ADAM32: variants seen among roughly 807,000 people sequenced by gnomAD.
ADAM32 encodes disintegrin and metalloproteinase domain-containing protein 32.
A neutral mutation model predicts 114.9 loss-of-function variants in ADAM32; 89 were observed. That is an observed-to-expected ratio of 0.77 (90% CI 0.65 to 0.92). ADAM32 has a LOEUF of 0.92. Among genes scored for constraint, ADAM32 ranks in the 40% least tolerant of loss-of-function variants. The pLI, the probability that ADAM32 is intolerant of heterozygous loss-of-function variation, is 0.00. For missense variants in ADAM32, 870 were observed against 932.8 expected (o/e 0.93, Z 0.88); for synonymous variants, 285 against 307.5 (o/e 0.93, Z 0.77).
At chr8:39,205,537 AG>A (rs1337530685) in intron 11 of ADAM32, among the ~76,000 whole-genome samples, 1 of 152,238 alleles carries the variant, frequency 6.6e-6, no homozygotes, top group Non-Finnish European at 1.5e-5. Flanking sequence ...TCGCTTGGTT[AG>A]GAAAGGGAAT....
chr8:39,240,085 G>A (rs1159804017), intron 16 of ADAM32, among the ~76,000 whole-genome samples: 1 of 152,218 alleles, frequency 6.6e-6, no homozygotes, highest in African/African-American at 2.4e-5. Context: ...GACTTAACAG[G>A]TATTTACAGA....
At chr8:39,138,120 G>A (rs988799461) in intron 3 of ADAM32, among the ~76,000 whole-genome samples, 6 of 152,180 alleles carry the variant, frequency 3.9e-5, no homozygotes, top group African/African-American at 1.4e-4. Flanking sequence ...ATGAGAAGCA[G>A]AACTATGACT....
intron 23 of ADAM32, among the ~76,000 whole-genome samples, chr8:39,282,498 G>A (rs546122193): frequency 6.6e-6 from 1 of 152,222 alleles, no homozygotes; most frequent in South Asian, 2.1e-4. Flanking sequence ...AATATACACT[G>A]GATTTGGGGA....
Position 39,228,598 on chromosome 8 carries a change from T to C in ADAM32, c.1526-3429T>C, listed in dbSNP as rs1239514701. ...GAAAGAAATTCAGAGCTCAAAGATA[T>C]GGTCTTTGAAATAACCTAATCCAAC... is the stretch of plus-strand genomic sequence containing the variant. On this transcript the variant is annotated intron_variant, in intron 14 of 24. Transcript: ENST00000379907. 5.9e-5 allele frequency among the ~76,000 whole-genome samples: 9 copies of C among 152,248 alleles called. No homozygotes were observed. In the East Asian group the frequency reaches 1.5e-3, roughly 26 times the overall value.
At chr8:39,242,549 A>G (rs1388089046) in intron 16 of ADAM32, among the ~76,000 whole-genome samples, 1 of 152,140 alleles carries the variant, frequency 6.6e-6, no homozygotes, top group Non-Finnish European at 1.5e-5. Flanking sequence ...TGTGCAGTGA[A>G]TCTCCCTTTT....
chr8:39,140,783 T>C (rs1803104315), intron 3 of ADAM32, among the ~76,000 whole-genome samples: 1 of 152,216 alleles, frequency 6.6e-6, no homozygotes, highest in African/African-American at 2.4e-5. Context: ...TGTCTGGTCC[T>C]GGACTTTTTT....
rs1393044548 is a variant in ADAM32 at position 39,232,101 on chromosome 8, G to A, written c.1600G>A (p.Asp534Asn). Reference protein sequence around the residue: ...QSDRFGNCGRDRNNKYVFCGW... With the variant: ...QSDRFGNCGRNRNNKYVFCGW... ...AGACAGATTTGGGAACTGTGGTAGGGATAGAAATAACAAATATGTGTTCTG... is the reference window on the plus strand; with the variant it reads ...AGACAGATTTGGGAACTGTGGTAGGAATAGAAATAACAAATATGTGTTCTG... The change falls in exon 15 of 25, where the codon GAT (aspartate) becomes AAT (asparagine). Residue 534 changes from aspartate to asparagine, a missense_variant. Coordinates refer to ENST00000379907, the MANE Select transcript of ADAM32 (RefSeq NM_145004.7). 6.2e-7 allele frequency: 1 copy of A among 1,610,630 alleles called. No homozygotes were observed. Among genetic ancestry groups the A allele is most frequent in the African/African-American group, 1.3e-5 (1 of 74,830 alleles).
At chr8:39,123,704 C>CTTT (rs34747712) in intron 2 of ADAM32, among the ~76,000 whole-genome samples, 70 of 132,170 alleles carry the variant, frequency 5.3e-4, no homozygotes, top group African/African-American at 1.0e-3. Flanking sequence ...ATTTTCTTTC[C>CTTT]TTTTTTTTTT....
At chr8:39,280,540 G>T (rs1309978614) in intron 22 of ADAM32, among the ~76,000 whole-genome samples, 1 of 152,112 alleles carries the variant, frequency 6.6e-6, no homozygotes, top group Non-Finnish European at 1.5e-5. Flanking sequence ...CATTAACTTC[G>T]AAGTAATTTG....
At position 39,275,818 on chromosome 8, in the gene ADAM32, T is replaced by C; in HGVS notation, c.2241-10T>C. ...TAACGTGGAAGCATTACTTTTTCGC[T>C]TTCTTTTAGAACCAGATCAGAAAGC... is the stretch of plus-strand genomic sequence containing the variant. On this transcript the variant is annotated splice_polypyrimidine_tract_variant and intron_variant, in intron 21 of 24. Coordinates refer to ENST00000379907, the MANE Select transcript of ADAM32 (RefSeq NM_145004.7). The C allele has an allele frequency of 6.4e-7, 1 of 1,553,352 alleles. No individual in the cohort carries two copies. Among genetic ancestry groups the C allele is most frequent in the Non-Finnish European group, 8.7e-7 (1 of 1,147,946 alleles).
At chr8:39,184,143 T>A (rs1211331046) in intron 10 of ADAM32, among the ~76,000 whole-genome samples, 1 of 152,268 alleles carries the variant, frequency 6.6e-6, no homozygotes, top group Non-Finnish European at 1.5e-5. Flanking sequence ...ATCTATCTTT[T>A]GCTTTTGCAC....
At chr8:39,267,140 G>A (rs981279931) in intron 19 of ADAM32, among the ~76,000 whole-genome samples, 22 of 152,220 alleles carry the variant, frequency 1.4e-4, no homozygotes, top group Admixed American at 1.2e-3. Context: ...AGGCAGGGTA[G>A]GTGGGGGTTC....
At chr8:39,211,445 T>C (rs1808214287) in intron 12 of ADAM32, 121 bp downstream of exon 12, 18 of 1,041,648 alleles carry the variant, frequency 1.7e-5, no homozygotes, top group East Asian at 3.1e-5. Flanking sequence ...GTAAGTGAAG[T>C]TGGGTCGAAA....
chr8:39,256,922 C>G (rs984981814), intron 18 of ADAM32, among the ~76,000 whole-genome samples: 19 of 151,916 alleles, frequency 1.3e-4, no homozygotes, highest in African/African-American at 4.6e-4. Context: ...TTTGTCCCTA[C>G]TTAGAGGGTT....
chr8:39,203,170 C>T (rs1380911120), intron 11 of ADAM32, among the ~76,000 whole-genome samples: 2 of 152,156 alleles, frequency 1.3e-5, no homozygotes, highest in African/African-American at 4.8e-5. Flanking sequence ...GGGCTGAGTT[C>T]AAGTCCTGGA....
chr8:39,267,868 G>A (rs1365640686), intron 19 of ADAM32, among the ~76,000 whole-genome samples: 1 of 152,156 alleles, frequency 6.6e-6, no homozygotes, highest in Non-Finnish European at 1.5e-5. Flanking sequence ...CAATGGGAAA[G>A]GTAATTTACA....
At chr8:39,155,332 G>GTA (rs1336784348) in intron 6 of ADAM32, among the ~76,000 whole-genome samples, 3 of 152,188 alleles carry the variant, frequency 2.0e-5, no homozygotes, top group Admixed American at 6.5e-5. Context: ...GTAATTTATG[G>GTA]TAATCTGTGT....
Position 39,223,045 on chromosome 8 carries a change from ACAAT to A in ADAM32, c.1335_1338del (p.Ser446AlafsTer29). The A allele has an allele frequency of 6.4e-7, 1 of 1,570,484 alleles. No individual in the cohort carries two copies. The highest frequency in any genetic ancestry group is 8.6e-7 in the Non-Finnish European group (1 of 1,160,472). ...TATGTTCTAACTTCTCTTAGATTTT[ACAAT>A]CAGGCGTTGAATGTAGGCCGAAAGC... On this transcript the variant is annotated frameshift_variant, in exon 14 of 25. Transcript: ENST00000379907. LOFTEE classifies it high-confidence loss of function.
intron 3 of ADAM32, among the ~76,000 whole-genome samples, chr8:39,145,118 AG>A (rs538678186): frequency 2.9e-4 from 44 of 152,326 alleles, no homozygotes; most frequent in African/African-American, 9.6e-4. Context: ...AGGAGGTGAA[AG>A]ATCTGTATAC....
Sources: allele counts gnomAD v4.1 joint callset (sites outside exome capture counted in the v4.1 genomes callset), GRCh38; gene constraint gnomAD v4.1.1; transcripts MANE v1.5; gene names NCBI Gene and HGNC (gene_info 2026-07-23, HGNC 2026-07-21).